COPB2: variants seen among roughly 807,000 people sequenced by gnomAD.
The protein encoded by COPB2 is coatomer subunit beta'.
COPB2 carries 16 observed loss-of-function variants against 120.8 expected under a neutral mutation model. The ratio of observed to expected loss-of-function variants is 0.13; its 90% CI spans 0.09 to 0.20. The LOEUF is 0.20. COPB2 is among the 10% of genes least tolerant of loss of function. The pLI is 1.00. For missense variants in COPB2, 794 were observed against 1,076.5 expected (o/e 0.74, Z 3.67); for synonymous variants, 332 against 366.3 (o/e 0.91, Z 1.07).
rs1436016361 is a variant in COPB2, at chr3:139,357,586, C to G, written c.*277G>C. 1 of 274,502 alleles carries G rather than the reference C, an allele frequency of 3.6e-6. No individual in the cohort carries two copies. The highest frequency in any genetic ancestry group is 6.7e-6 in the Non-Finnish European group (1 of 148,646). The allele number at this position is 274,502 out of a possible 1,614,324, so 17.0% of individuals were successfully genotyped here. ...CATTATTGAGAAAGGAAACAAGTACCTTCATTAATTCAAAAGGTTTTATGA... is the reference window on the plus strand; with the variant it reads ...CATTATTGAGAAAGGAAACAAGTACGTTCATTAATTCAAAAGGTTTTATGA... On this transcript the variant is annotated 3_prime_UTR_variant, in exon 22 of 22. Transcript: ENST00000333188.
rs1374255527 is a variant in COPB2, at chr3:139,358,218, T to C, written c.2607A>G (p.Thr869=). The C allele has an allele frequency of 6.2e-7, 1 of 1,614,176 alleles. No homozygotes were observed. The highest frequency in any genetic ancestry group is 8.5e-7 in the Non-Finnish European group (1 of 1,180,002). The change falls in exon 21 of 22, where the codon ACA becomes ACG. Residue 869 remains threonine, a synonymous_variant. Coordinates refer to ENST00000333188, the MANE Select transcript of COPB2 (RefSeq NM_004766.3). ...GACCTACCTTTTCTTCTTTGTTGGC[T>C]GTGTGGGAGGCCACAATAACCGGAG... is the stretch of plus-strand genomic sequence containing the variant. ...SPTPVIVASH[T]ANKEEKSLLE...
intron 2 of COPB2, chr3:139,381,833 G>A (rs966412477): frequency 5.3e-5 from 8 of 151,600 alleles, no homozygotes; most frequent in African/African-American, 9.7e-5. Flanking sequence ...TAATCAGAGA[G>A]AGAGGACACC....
intron 13 of COPB2, 139 bp from the exon 14 acceptor site, chr3:139,367,284 T>G: frequency 9.3e-7 from 1 of 1,078,446 alleles, no homozygotes; most frequent in East Asian, 2.7e-5. Flanking sequence ...AAAAAAAATT[T>G]TCCTTGGAAT....
At chr3:139,374,428 T>C (rs138962145) in intron 7 of COPB2, 61 bp downstream of exon 7, 120 of 1,305,980 alleles carry the variant, frequency 9.2e-5, no homozygotes, top group Non-Finnish European at 1.2e-4. Context: ...GAGACATTAC[T>C]TGCTTTAAAT....
In COPB2 at chr3:139,357,808, C is replaced by T; in HGVS notation, c.*55G>A. On this transcript the variant is annotated 3_prime_UTR_variant, in exon 22 of 22. Coordinates refer to ENST00000333188, the MANE Select transcript of COPB2 (RefSeq NM_004766.3). ...AAAGCACTGTGGTCAGGGTAGCAAT[C>T]AATACCTATATATAATAATGATCTG... 3.2e-6 allele frequency: 3 copies of T among 948,490 alleles called. No homozygotes were observed. Among genetic ancestry groups the T allele is most frequent in the South Asian group, 1.7e-5 (1 of 60,262 alleles). 58.8% of individuals were successfully genotyped at this position (948,490 alleles called of 1,614,324 possible).
intron 2 of COPB2, chr3:139,380,489 G>A (rs180795878): frequency 3.9e-5 from 6 of 152,118 alleles, no homozygotes; most frequent in African/African-American, 7.2e-5. Context: ...ATAGGATAAA[G>A]GTAGAGACCC....
At chr3:139,379,782 G>A in intron 2 of COPB2, 1 of 266,100 alleles carries the variant, frequency 3.8e-6, no homozygotes, top group Non-Finnish European at 7.1e-6. Flanking sequence ...CTCTGCTCTT[G>A]TTGTCTCTGA....
intron 1 of COPB2, chr3:139,388,464 G>T (rs1360981121): frequency 3.4e-5 from 5 of 147,294 alleles, no homozygotes. Context: ...TTGTTTCTCT[G>T]TGCATTTTCC....
Position 139,367,134 on chromosome 3 carries a change from C to T in COPB2, c.1557G>A (p.Glu519=). ...GIEDAFEVLG[E]IQEIVKTGLW... ...GCCCTGTTTTCACAATTTCCTGAAT[C>T]TCACCAAGAACCTGCAGAAAGAAAA... Residue 519 remains glutamate, a synonymous_variant, in exon 14 of 22, where the codon GAG becomes GAA. Coordinates refer to ENST00000333188, the MANE Select transcript of COPB2 (RefSeq NM_004766.3). 1 of 1,613,392 alleles carries T rather than the reference C, an allele frequency of 6.2e-7. No homozygotes were observed. Among genetic ancestry groups the T allele is most frequent in the Non-Finnish European group, 8.5e-7 (1 of 1,179,760 alleles).
At chr3:139,377,949 A>G in intron 5 of COPB2, 92 bp downstream of exon 5, 1 of 1,226,382 alleles carries the variant, frequency 8.2e-7, no homozygotes, top group African/African-American at 1.5e-5. Context: ...AATTTTTAAG[A>G]TGGGTACATT....
Position 139,389,178 on chromosome 3 carries a change from TTAAC to T in COPB2, c.3+366_3+369del, listed in dbSNP as rs199819459. Among the ~76,000 whole-genome samples the T allele has an allele frequency of 4.4e-3, 668 of 152,254 alleles. 1 individual carries two copies. Among genetic ancestry groups the T allele is most frequent in the African/African-American group, 0.014 (581 of 41,536 alleles). On this transcript the variant is annotated intron_variant, in intron 1 of 21. Coordinates refer to ENST00000333188, the MANE Select transcript of COPB2 (RefSeq NM_004766.3). ...AGAATAAGCCCAACAGGAGTGTAGA[TTAAC>T]TACCACCGTTTTAAAGGCAAACTTT...
chr3:139,377,447 G>C (rs1941733712), intron 5 of COPB2, among the ~76,000 whole-genome samples: 2 of 152,248 alleles, frequency 1.3e-5, no homozygotes, highest in African/African-American at 2.4e-5. Flanking sequence ...AGATGGAACA[G>C]TTCAATGAAG....
intron 2 of COPB2, 200 bp downstream of exon 2, chr3:139,383,098 T>TATAACATACC (rs1941843842): frequency 1.6e-6 from 1 of 627,242 alleles, no homozygotes; most frequent in Admixed American, 2.8e-5. Context: ...AAATATTGTA[T>TATAACATACC]ATAACATACC....
In COPB2 at chr3:139,359,158, T is replaced by C. The variant is rs765254440; in HGVS notation, c.2324A>G (p.Glu775Gly). Residue 775 changes from glutamate to glycine, a missense_variant, in exon 19 of 22, where the codon GAG becomes GGG. Coordinates refer to ENST00000333188, the MANE Select transcript of COPB2 (RefSeq NM_004766.3). ...TTTCTGATTGACTTTTGAGAGATTC[T>C]CTCTCCAGAGTTTCACTACCCTATT... Reference protein sequence around the residue: ...QVSRVVKLWRENLSKVNQKAA... With the variant: ...QVSRVVKLWRGNLSKVNQKAA... 1.4e-5 allele frequency: 23 copies of C among 1,613,524 alleles called. No homozygotes were observed. Among genetic ancestry groups the C allele is most frequent in the Middle Eastern group, 3.3e-4 (2 of 6,076 alleles).
chr3:139,366,488 TAA>T, intron 15 of COPB2, 78 bp downstream of exon 15: 1 of 1,314,938 alleles, frequency 7.6e-7, no homozygotes, highest in Non-Finnish European at 1.0e-6. Flanking sequence ...AATTAAGAAA[TAA>T]AGTTTTTCAA....
intron 3 of COPB2, 46 bp downstream of exon 3, chr3:139,379,331 CATT>C: frequency 6.3e-7 from 1 of 1,589,000 alleles, no homozygotes; most frequent in African/African-American, 1.3e-5. Flanking sequence ...TTTACACAAT[CATT>C]GACCAATTCA....
chr3:139,374,954 G>A (rs149430860), intron 6 of COPB2, among the ~76,000 whole-genome samples: 1 of 152,078 alleles, frequency 6.6e-6, no homozygotes, highest in East Asian at 1.9e-4. Flanking sequence ...TTTTTATTCT[G>A]GATTTAAGTA....
At chr3:139,376,911 A>G (rs1235749278) in intron 5 of COPB2, among the ~76,000 whole-genome samples, 1 of 152,042 alleles carries the variant, frequency 6.6e-6, no homozygotes, top group Non-Finnish European at 1.5e-5. Flanking sequence ...CACCACACCC[A>G]GCTAATTTTT....
chr3:139,389,449 G>C, intron 1 of COPB2, 99 bp downstream of exon 1: 3 of 1,386,660 alleles, frequency 2.2e-6, no homozygotes, highest in East Asian at 5.5e-5. Flanking sequence ...GCCGCAGCGG[G>C]AGCCCAGACC....
Sources: allele counts gnomAD v4.1 joint callset (sites outside exome capture counted in the v4.1 genomes callset), GRCh38; gene constraint gnomAD v4.1.1; transcripts MANE v1.5; gene names NCBI Gene and HGNC (gene_info 2026-07-23, HGNC 2026-07-21).